SNTG2: variants seen among roughly 807,000 people sequenced by gnomAD.
SNTG2 encodes gamma-2-syntrophin.
SNTG2 carries 74 observed loss-of-function variants against 70.9 expected under a neutral mutation model. The observed-to-expected ratio is 1.04, with a 90% confidence interval of 0.86 to 1.27. SNTG2 has a LOEUF of 1.27. Among genes scored for constraint, SNTG2 ranks in the 50% most tolerant of loss-of-function variants. The pLI is 0.00. For missense variants in SNTG2, 717 were observed against 690.7 expected (o/e 1.04, Z -0.43); for synonymous variants, 278 against 273.8 (o/e 1.02, Z -0.15).
chr2:1,039,528 C>A (rs922316839), intron 1 of SNTG2, among the ~76,000 whole-genome samples: 1 of 152,064 alleles, frequency 6.6e-6, no homozygotes, highest in African/African-American at 2.4e-5. Context: ...TGAAAATGCC[C>A]CCTAAGTAGG....
chr2:1,001,358 C>G (rs1478065136), intron 1 of SNTG2, among the ~76,000 whole-genome samples: 4 of 151,944 alleles, frequency 2.6e-5, no homozygotes, highest in African/African-American at 9.7e-5. Flanking sequence ...TGATCTTATA[C>G]CTAGAAAATC....
intron 14 of SNTG2, among the ~76,000 whole-genome samples, chr2:1,277,901 G>A (rs1360506782): frequency 1.3e-5 from 2 of 152,238 alleles, no homozygotes; most frequent in East Asian, 3.8e-4. Context: ...CCCCACTCCA[G>A]GGTCTCCATG....
intron 1 of SNTG2, among the ~76,000 whole-genome samples, chr2:1,002,778 A>G (rs1282901543): frequency 6.6e-6 from 1 of 151,616 alleles, no homozygotes; most frequent in East Asian, 1.9e-4. Context: ...AAATTATATC[A>G]TTATATCAAA....
intron 1 of SNTG2, among the ~76,000 whole-genome samples, chr2:1,005,023 C>G (rs1039191740): frequency 6.6e-6 from 1 of 151,596 alleles, no homozygotes. Context: ...AATGAACTAT[C>G]AAGCCACAAA....
chr2:1,246,944 A>G (rs1319894588), intron 11 of SNTG2, among the ~76,000 whole-genome samples: 3 of 152,216 alleles, frequency 2.0e-5, no homozygotes, highest in African/African-American at 4.8e-5. Context: ...TATGTTCACT[A>G]TAGGAATGAA....
chr2:1,024,352 A>G (rs1436220977), intron 1 of SNTG2, among the ~76,000 whole-genome samples: 1 of 152,182 alleles, frequency 6.6e-6, no homozygotes, highest in Non-Finnish European at 1.5e-5. Flanking sequence ...TATACTTTAA[A>G]TATATTCTGA....
At chr2:1,201,063 A>G (rs570195486) in intron 8 of SNTG2, among the ~76,000 whole-genome samples, 50 of 152,168 alleles carry the variant, frequency 3.3e-4, no homozygotes, top group African/African-American at 1.2e-3. Flanking sequence ...TTGAAAGGAA[A>G]GGAAATCAGT....
At chr2:1,067,915 A>G (rs1004572047) in intron 1 of SNTG2, among the ~76,000 whole-genome samples, 1 of 152,112 alleles carries the variant, frequency 6.6e-6, no homozygotes, top group African/African-American at 2.4e-5. Flanking sequence ...TATGGGTCCC[A>G]CAGTCCTTGG....
At chr2:963,170 A>G (rs530162269) in intron 1 of SNTG2, among the ~76,000 whole-genome samples, 22 of 152,234 alleles carry the variant, frequency 1.4e-4, no homozygotes, top group African/African-American at 4.8e-4. Context: ...AGTGATTAAC[A>G]TTAACATCAT....
chr2:1,135,444 G>T (rs1668316646), intron 4 of SNTG2, among the ~76,000 whole-genome samples: 1 of 152,218 alleles, frequency 6.6e-6, no homozygotes, highest in East Asian at 1.9e-4. Context: ...CCTCGGCCAG[G>T]CGTGGTGGCT....
At chr2:1,304,175 A>G (rs1680576757) in intron 14 of SNTG2, among the ~76,000 whole-genome samples, 1 of 152,252 alleles carries the variant, frequency 6.6e-6, no homozygotes, top group South Asian at 2.1e-4. Context: ...TTCTCCATTA[A>G]TACAGACACT....
chr2:1,072,064 A>G (rs1197948643), intron 1 of SNTG2, among the ~76,000 whole-genome samples: 2 of 152,226 alleles, frequency 1.3e-5, no homozygotes, highest in African/African-American at 4.8e-5. Flanking sequence ...TGAAGCCACA[A>G]GTGCTGATGG....
chr2:1,235,169 G>A (rs1243929290), intron 9 of SNTG2, among the ~76,000 whole-genome samples: 1 of 146,904 alleles, frequency 6.8e-6, no homozygotes, highest in East Asian at 2.1e-4. Flanking sequence ...ATGAGAGGGG[G>A]CGCCCCTACC....
At chr2:1,067,961 G>A (rs1007028115) in intron 1 of SNTG2, among the ~76,000 whole-genome samples, 26 of 152,088 alleles carry the variant, frequency 1.7e-4, no homozygotes, top group African/African-American at 6.3e-4. Flanking sequence ...AGAGCTTTGG[G>A]GTGACACTTA....
chr2:1,031,528 A>ATATATATATATATATATATATATATTT, intron 1 of SNTG2, among the ~76,000 whole-genome samples: 2 of 59,122 alleles, frequency 3.4e-5, no homozygotes, highest in African/African-American at 8.3e-5. Context: ...ATATATATAT[A>ATATATATATATATATATATATATATTT]TTTTTTTTTT....
At chr2:1,293,127 T>TA in intron 14 of SNTG2, among the ~76,000 whole-genome samples, 1 of 152,122 alleles carries the variant, frequency 6.6e-6, no homozygotes, top group Admixed American at 6.5e-5. Flanking sequence ...TTCAATTTGT[T>TA]AGTGTAAAAT....
intron 9 of SNTG2, among the ~76,000 whole-genome samples, chr2:1,213,656 A>G (rs996931168): frequency 3.3e-5 from 5 of 152,202 alleles, no homozygotes; most frequent in Non-Finnish European, 5.9e-5. Context: ...ACAGCCACTC[A>G]GCCTGGGACC....
intron 1 of SNTG2, among the ~76,000 whole-genome samples, chr2:1,025,402 G>A (rs527935709): frequency 4.1e-4 from 62 of 152,328 alleles, no homozygotes; most frequent in African/African-American, 1.3e-3. Context: ...TTCCTATGAT[G>A]AGAAGAGCAT....
chr2:1,186,885 G>A (rs1250031210), intron 8 of SNTG2, among the ~76,000 whole-genome samples: 1 of 152,082 alleles, frequency 6.6e-6, no homozygotes, highest in African/African-American at 2.4e-5. Context: ...TATAAATCAA[G>A]TGACTCTACT....
Sources: gnomAD v4.1 joint callset for allele counts (sites outside exome capture counted in the v4.1 genomes callset) on GRCh38, gnomAD v4.1.1 for gene constraint, MANE v1.5 for transcripts, NCBI Gene and HGNC (gene_info 2026-07-23, HGNC 2026-07-21) for gene names.